PRH1: variants seen among roughly 807,000 people sequenced by gnomAD.
PRH1 encodes salivary acidic proline-rich phosphoprotein 1/2.
In PRH1, 7 loss-of-function variants were observed where a neutral mutation model predicts 7.9. The ratio of observed to expected loss-of-function variants is 0.89; its 90% CI spans 0.50 to 1.67. PRH1 has a LOEUF of 1.67. Among genes scored for constraint, PRH1 ranks in the 40% most tolerant of loss-of-function variants. The pLI is 0.00. For synonymous variants in PRH1, 45 were observed against 80.8 expected (o/e 0.56, Z 2.38); for missense variants, 109 against 223.6 (o/e 0.49, Z 3.27).
chr12:11,019,437 C>T (rs1941474972), intron 1 of PRH1, among the ~76,000 whole-genome samples: 1 of 152,410 alleles, frequency 6.6e-6, no homozygotes, highest in African/African-American at 2.4e-5. Context: ...TAAACTCAGA[C>T]ATTGGCTCTA....
chr12:11,105,308 T>C (rs985225392), intron 1 of PRH1, among the ~76,000 whole-genome samples: 8 of 152,240 alleles, frequency 5.3e-5, no homozygotes, highest in African/African-American at 1.9e-4. Context: ...ATTTATCATG[T>C]CTGAATTTTT....
At chr12:11,123,302 A>G (rs1435518754) in intron 1 of PRH1, among the ~76,000 whole-genome samples, 3 of 123,306 alleles carry the variant, frequency 2.4e-5, no homozygotes, top group Non-Finnish European at 3.8e-5. Context: ...ATTCTTTCAC[A>G]TATCATTTGC....
intron 2 of PRH1, chr12:10,908,210 T>C (rs149894622): frequency 2.7e-4 from 145 of 529,552 alleles, no homozygotes; most frequent in African/African-American, 2.6e-3. Context: ...CATAAATACA[T>C]AATATTCTTA....
intron 2 of PRH1, among the ~76,000 whole-genome samples, chr12:10,961,801 T>A (rs913180580): frequency 2.0e-5 from 3 of 152,124 alleles, no homozygotes; most frequent in Non-Finnish European, 4.4e-5. Context: ...ACATTCTCCC[T>A]CCTCTCTCGC....
intron 1 of PRH1, chr12:11,079,078 G>T (rs1374766086): frequency 2.6e-5 from 3 of 113,840 alleles, no homozygotes; most frequent in Admixed American, 8.8e-5. Flanking sequence ...CTCATGCTTA[G>T]GCCATTGATA....
At chr12:11,051,309 T>A (rs1943132198), upstream of PRH1, among the ~76,000 whole-genome samples, 1 of 152,156 alleles carries the variant, frequency 6.6e-6, no homozygotes, top group African/African-American at 2.4e-5. Context: ...ACAACTAAAA[T>A]CAAAAATTTT....
chr12:10,928,767 C>T (rs1443059190), intron 2 of PRH1, among the ~76,000 whole-genome samples: 1 of 152,120 alleles, frequency 6.6e-6, no homozygotes, highest in African/African-American at 2.4e-5. Flanking sequence ...ATACAAATAT[C>T]CATGCACACA....
intron 1 of PRH1, among the ~76,000 whole-genome samples, chr12:10,994,462 A>G (rs1940108487): frequency 6.6e-6 from 1 of 152,192 alleles, no homozygotes; most frequent in African/African-American, 2.4e-5. Flanking sequence ...CATGCATCTG[A>G]TAACCACCAT....
At chr12:11,062,899 C>T (rs1400200223) in intron 1 of PRH1, among the ~76,000 whole-genome samples, 4 of 151,984 alleles carry the variant, frequency 2.6e-5, no homozygotes, top group East Asian at 1.9e-4. Context: ...GCTGCTAATA[C>T]GTTTGTATAA....
chr12:11,101,957 G>T, intron 1 of PRH1, among the ~76,000 whole-genome samples: 1 of 151,966 alleles, frequency 6.6e-6, no homozygotes, highest in Admixed American at 6.6e-5. Flanking sequence ...GCTTCAAAGA[G>T]AATAAAATAC....
Position 11,021,689 on chromosome 12 carries a change from A to C in PRH1, c.-126+25331T>G, listed in dbSNP as rs1339049777. 5.6e-6 allele frequency: 9 copies of C among 1,610,740 alleles called. No individual in the cohort carries two copies. The East Asian group carries it at 1.8e-4, about 32-fold the overall frequency. On this transcript the variant is annotated intron_variant, in intron 1 of 3. Transcript: ENST00000539853. Reference sequence around the variant, plus strand: ...TCTTTCACTCAGCGTGTCATCTGCCACAAAACTGAAAGAAAGGTCTGTTTT... The same window carrying C: ...TCTTTCACTCAGCGTGTCATCTGCCCCAAAACTGAAAGAAAGGTCTGTTTT...
intron 1 of PRH1, among the ~76,000 whole-genome samples, chr12:10,982,307 C>A (rs141053822): frequency 6.6e-6 from 1 of 152,152 alleles, no homozygotes. Context: ...TTCCAGGGGG[C>A]GGTCGTCCAT....
intron 2 of PRH1, among the ~76,000 whole-genome samples, chr12:10,912,564 A>G (rs1244044492): frequency 6.6e-6 from 1 of 151,802 alleles, no homozygotes; most frequent in Non-Finnish European, 1.5e-5. Context: ...ATTTTTCATT[A>G]ATTTCATCTC....
intron 1 of PRH1, among the ~76,000 whole-genome samples, chr12:11,052,990 C>T (rs972765559): frequency 4.5e-5 from 4 of 88,308 alleles, no homozygotes; most frequent in African/African-American, 1.6e-4. Context: ...TTTCCCAACA[C>T]TTTAGTCAGA....
At chr12:10,903,123 T>C (rs1040593846) in intron 2 of PRH1, among the ~76,000 whole-genome samples, 4 of 152,164 alleles carry the variant, frequency 2.6e-5, no homozygotes, top group Non-Finnish European at 5.9e-5. Flanking sequence ...CCATCTCACA[T>C]GTAATGTTAC....
chr12:11,168,663 C>T (rs1162220966), intron 1 of PRH1, among the ~76,000 whole-genome samples: 1 of 152,128 alleles, frequency 6.6e-6, no homozygotes, highest in Non-Finnish European at 1.5e-5. Context: ...CAGAAGGCTC[C>T]TACTATCTGG....
chr12:11,064,282 T>A (rs533875237), intron 1 of PRH1, among the ~76,000 whole-genome samples: 1 of 152,360 alleles, frequency 6.6e-6, no homozygotes, highest in East Asian at 1.9e-4. Flanking sequence ...TACATGTTCT[T>A]CTTGTTTGTG....
At chr12:11,168,284 GA>G (rs1251494999) in intron 1 of PRH1, among the ~76,000 whole-genome samples, 73 of 29,526 alleles carry the variant, frequency 2.5e-3, no homozygotes, top group African/African-American at 4.6e-3. Flanking sequence ...AAGAAAGAAA[GA>G]AAGAAAGAAA....
intron 1 of PRH1, chr12:11,035,012 G>C (rs1942377578): frequency 6.6e-6 from 1 of 151,936 alleles, no homozygotes; most frequent in African/African-American, 2.4e-5. Flanking sequence ...TGAATCCATT[G>C]AACTCTAGCT....
Sources: allele counts gnomAD v4.1 joint callset (sites outside exome capture counted in the v4.1 genomes callset), GRCh38; gene constraint gnomAD v4.1.1; transcripts MANE v1.5; gene names NCBI Gene and HGNC (gene_info 2026-07-23, HGNC 2026-07-21).